SIRPG: variants seen among roughly 807,000 people sequenced by gnomAD.
SIRPG encodes the protein signal regulatory protein gamma.
Under a neutral mutation model 35.7 loss-of-function variants are expected in SIRPG, and 38 were observed. The ratio of observed to expected loss-of-function variants is 1.06; its 90% CI spans 0.82 to 1.40. The LOEUF (loss-of-function observed/expected upper bound fraction) is 1.40. Among genes scored for constraint, SIRPG ranks in the 40% most tolerant of loss-of-function variants. The pLI is 0.00. For missense variants in SIRPG, 519 were observed against 483.0 expected, an observed-to-expected ratio of 1.07 and a Z score of -0.70; for synonymous variants, 215 against 190.4, an observed-to-expected ratio of 1.13 and a Z score of -1.06.
intron 1 of SIRPG, among the ~76,000 whole-genome samples, chr20:1,652,902 T>C (rs910979259): frequency 2.6e-5 from 4 of 152,178 alleles, no homozygotes; most frequent in African/African-American, 9.7e-5. Context: ...TCCTGGCACA[T>C]AGTAGGTATC....
At position 1,635,365 on chromosome 20, in the gene SIRPG, G is replaced by C; in HGVS notation, c.983C>G (p.Thr328Ser). 1 of 1,614,198 alleles carries C rather than the reference G, an allele frequency of 6.2e-7. No homozygotes were observed. The highest frequency in any genetic ancestry group is 8.5e-7 in the Non-Finnish European group (1 of 1,180,038). ...CTGCCCATCATGCTTCACCTGGCAG[G>C]TGAGGACCACATCATCCCTTTGGTC... ...ISDQRDDVVLTCQVKHDGQLA... is the reference protein window; with the variant it reads ...ISDQRDDVVLSCQVKHDGQLA... Residue 328 changes from threonine to serine, a missense_variant, in exon 4 of 6, where the codon ACC (threonine) becomes AGC (serine). By Grantham distance (58) the Thr-to-Ser change is moderately conservative. Transcript: ENST00000303415.
the SIRPG span, chr20:1,676,786 A>G: frequency 4.6e-6 from 1 of 216,338 alleles, no homozygotes; most frequent in Non-Finnish European, 9.6e-6. Context: ...GACAGGCCCC[A>G]CAGGGAACAG....
At chr20:1,679,351 G>T in the SIRPG span, among the ~76,000 whole-genome samples, 1 of 152,158 alleles carries the variant, frequency 6.6e-6, no homozygotes, top group South Asian at 2.1e-4. Flanking sequence ...CCTACCAAAT[G>T]ACCAGGTACA....
At chr20:1,651,703 T>C (rs1029885325) in intron 1 of SIRPG, among the ~76,000 whole-genome samples, 3 of 152,146 alleles carry the variant, frequency 2.0e-5, no homozygotes, top group African/African-American at 4.8e-5. Context: ...TGCTACTGAT[T>C]GGCTCCACAA....
At chr20:1,660,817 G>A (rs558748146), upstream of SIRPG, among the ~76,000 whole-genome samples, 86 of 152,272 alleles carry the variant, frequency 5.6e-4, no homozygotes, top group Non-Finnish European at 9.8e-4. Flanking sequence ...GAGAAACTGG[G>A]AGCCAGTGGA....
upstream of SIRPG, among the ~76,000 whole-genome samples, chr20:1,662,288 C>A (rs1190073442): frequency 6.6e-6 from 1 of 152,304 alleles, no homozygotes; most frequent in East Asian, 1.9e-4. Context: ...GTGGGCCAGT[C>A]TTAGACACAA....
the SIRPG span, among the ~76,000 whole-genome samples, chr20:1,667,630 G>T: frequency 6.6e-6 from 1 of 152,218 alleles, no homozygotes; most frequent in Admixed American, 6.5e-5. Flanking sequence ...CTTTAAGGGA[G>T]TCTTCAATGA....
intron 2 of SIRPG, chr20:1,646,197 C>T (rs6043506): frequency 0.26 from 39,113 of 152,110 alleles, 5,687 homozygotes; most frequent in East Asian, 0.62. Flanking sequence ...TGAGCCCCAA[C>T]ACTGACTGCA....
chr20:1,641,885 C>T (rs914550494), intron 2 of SIRPG, among the ~76,000 whole-genome samples: 161 of 152,280 alleles, frequency 1.1e-3, no homozygotes, highest in African/African-American at 3.8e-3. Context: ...GTTCAATTTC[C>T]ATGTAGTTGT....
the SIRPG span, chr20:1,676,800 G>A: frequency 4.6e-6 from 1 of 217,430 alleles, no homozygotes. Context: ...GGAACAGGGA[G>A]GTCGCAGTGC....
chr20:1,638,205 G>A (rs1353872696), intron 2 of SIRPG, among the ~76,000 whole-genome samples: 1 of 152,272 alleles, frequency 6.6e-6, no homozygotes, highest in East Asian at 1.9e-4. Context: ...GGGTCCTCGT[G>A]TGAGTCCCTT....
At chr20:1,677,551 T>G in the SIRPG span, among the ~76,000 whole-genome samples, 32 of 152,208 alleles carry the variant, frequency 2.1e-4, no homozygotes, top group East Asian at 3.3e-3. Context: ...TAAAAAGAAA[T>G]AACATTGTTT....
At chr20:1,682,336 C>T in the SIRPG span, among the ~76,000 whole-genome samples, 1 of 152,122 alleles carries the variant, frequency 6.6e-6, no homozygotes, top group Non-Finnish European at 1.5e-5. Context: ...AGATTTATCC[C>T]AGGAATGTAA....
rs527289166 is a variant in SIRPG at position 1,640,724 on chromosome 20, A to T, written c.431-4219T>A. Among the ~76,000 whole-genome samples, 4 of 152,312 alleles carry T rather than the reference A, an allele frequency of 2.6e-5. No individual in the cohort carries two copies. In the South Asian group the frequency reaches 6.2e-4, roughly 24 times the overall value. On this transcript the variant is annotated intron_variant, in intron 2 of 5. Transcript: ENST00000303415. ...GAATGTTTCCAGCTTTTGCACATTC[A>T]TTATGATACTGGCTGTGGGGTTGTC...
chr20:1,660,508 G>A (rs182702097), upstream of SIRPG, among the ~76,000 whole-genome samples: 21 of 152,316 alleles, frequency 1.4e-4, no homozygotes, highest in African/African-American at 4.8e-4. Context: ...ACTCAAAAAT[G>A]CATAGTATAG....
chr20:1,654,048 G>A (rs978882328), intron 1 of SIRPG, among the ~76,000 whole-genome samples: 5 of 152,154 alleles, frequency 3.3e-5, no homozygotes, highest in Middle Eastern at 3.4e-3. Context: ...GACCGTCTTG[G>A]CCAACATGGT....
chr20:1,637,758 A>G (rs184195654), intron 2 of SIRPG: 1 of 152,172 alleles, frequency 6.6e-6, no homozygotes, highest in African/African-American at 2.4e-5. Context: ...TGATTTCTTC[A>G]TCGTTAATTC....
At position 1,649,050 on chromosome 20, in the gene SIRPG, A is replaced by T; in HGVS notation, c.430+2T>A. ...GATGAGGGAGGTCCATGTTGTACTCACCACCCAAAGCCATCTCAGTGCCTG... is the reference window on the plus strand; with the variant it reads ...GATGAGGGAGGTCCATGTTGTACTCTCCACCCAAAGCCATCTCAGTGCCTG... On this transcript the variant is annotated splice_donor_variant, in intron 2 of 5. Coordinates refer to ENST00000303415, the MANE Select transcript of SIRPG (RefSeq NM_018556.4). LOFTEE classifies it high-confidence loss of function. 6.2e-7 allele frequency: 1 copy of T among 1,612,896 alleles called. No homozygotes were observed. Among genetic ancestry groups the T allele is most frequent in the Non-Finnish European group, 8.5e-7 (1 of 1,179,146 alleles).
chr20:1,671,745 G>A, the SIRPG span, among the ~76,000 whole-genome samples: 2 of 152,226 alleles, frequency 1.3e-5, no homozygotes, highest in African/African-American at 2.4e-5. Flanking sequence ...GGGAAATAAA[G>A]GGATGGGCCG....
Sources: gnomAD v4.1 joint callset for allele counts (sites outside exome capture counted in the v4.1 genomes callset) on GRCh38, gnomAD v4.1.1 for gene constraint, MANE v1.5 for transcripts, NCBI Gene and HGNC (gene_info 2026-07-23, HGNC 2026-07-21) for gene names.